The following TOLLIP variants were observed in gnomAD, a reference collection of about 807,000 sequenced individuals.
TOLLIP encodes toll interacting protein.
Under a neutral mutation model 33.5 loss-of-function variants are expected in TOLLIP, and 16 were observed. That is an observed-to-expected ratio of 0.48 (90% confidence interval 0.32 to 0.72). TOLLIP has a LOEUF of 0.72. Among genes scored for constraint, TOLLIP ranks in the 30% least tolerant of loss-of-function variants. The pLI, the probability that TOLLIP is intolerant of heterozygous loss-of-function variation, is 0.03. For synonymous variants in TOLLIP, 176 were observed against 163.7 expected (o/e 1.07, Z -0.57); for missense variants, 325 against 396.6 (o/e 0.82, Z 1.53).
At chr11:1,291,188 T>G (rs1256197627) in intron 2 of TOLLIP, 1 of 152,176 alleles carries the variant, frequency 6.6e-6, no homozygotes, top group Non-Finnish European at 1.5e-5. Flanking sequence ...CCTAAAACTG[T>G]AAAACCTTTA....
Position 1,309,532 on chromosome 11 carries a change from G to T in TOLLIP, c.-34C>A. 7.8e-7 allele frequency: 1 copy of T among 1,277,814 alleles called. No individual in the cohort carries two copies. 79.2% of individuals were successfully genotyped at this position (1,277,814 alleles called of 1,614,324 possible). ...GGCGGCCCCCGTGGCTCGCCGACCC[G>T]ACAGTGACGCGCCGGGCGACCTCCT... is the stretch of plus-strand genomic sequence containing the variant. On this transcript the variant is annotated 5_prime_UTR_variant, in exon 1 of 6. Transcript: ENST00000317204.
intron 5 of TOLLIP, among the ~76,000 whole-genome samples, chr11:1,282,226 A>G (rs1316028405): frequency 1.3e-5 from 2 of 152,238 alleles, no homozygotes; most frequent in Non-Finnish European, 2.9e-5. Flanking sequence ...GAGAAGGATC[A>G]GAGGAGGCCA....
intron 1 of TOLLIP, among the ~76,000 whole-genome samples, chr11:1,302,298 G>A (rs1388242505): frequency 6.6e-6 from 1 of 152,230 alleles, no homozygotes; most frequent in East Asian, 1.9e-4. Flanking sequence ...GGGTGGCCCT[G>A]GCGGTCCCTC....
chr11:1,285,374 C>T (rs1863656592), intron 5 of TOLLIP, among the ~76,000 whole-genome samples: 1 of 152,258 alleles, frequency 6.6e-6, no homozygotes, highest in South Asian at 2.1e-4. Flanking sequence ...CTGCTAAAGA[C>T]GGCTGGGCCC....
rs1163060457 is a variant in TOLLIP, at chr11:1,294,257, CA to C, written c.183+1387del. 2.0e-3 allele frequency among the ~76,000 whole-genome samples: 232 copies of C among 116,118 alleles called. 3 individuals carry two copies. The highest frequency in any genetic ancestry group is 3.3e-3 in the Admixed American group (38 of 11,622). 76.2% of individuals were successfully genotyped at this position (116,118 alleles called of 152,430 possible). ...TTTCTACGAAAGCCCGCGTGGCTCA[CA>C]GTGTGTCTCCTTTCCCTGCATTTCT... On this transcript the variant is annotated intron_variant, in intron 2 of 5. Coordinates refer to ENST00000317204, the MANE Select transcript of TOLLIP (RefSeq NM_019009.4).
chr11:1,292,092 AAT>A (rs1863972375), intron 2 of TOLLIP: 1 of 152,204 alleles, frequency 6.6e-6, no homozygotes, highest in African/African-American at 2.4e-5. Context: ...CGTACTCCGG[AAT>A]GCTATGGAGT....
At chr11:1,285,262 G>T (rs1033446063) in intron 5 of TOLLIP, among the ~76,000 whole-genome samples, 4 of 152,228 alleles carry the variant, frequency 2.6e-5, no homozygotes, top group Admixed American at 2.6e-4. Flanking sequence ...GCTCTGCCTG[G>T]ACACCAGCTC....
intron 1 of TOLLIP, among the ~76,000 whole-genome samples, chr11:1,304,288 C>G (rs549191280): frequency 3.3e-5 from 5 of 151,994 alleles, no homozygotes; most frequent in South Asian, 2.1e-4. Context: ...TCCACACACA[C>G]AAAAATAGCT....
At chr11:1,299,615 A>G (rs1864207426) in intron 1 of TOLLIP, among the ~76,000 whole-genome samples, 1 of 152,254 alleles carries the variant, frequency 6.6e-6, no homozygotes, top group African/African-American at 2.4e-5. Flanking sequence ...GGAAATATGA[A>G]AACAAAAATG....
rs567968249 is a variant in TOLLIP at position 1,287,232 on chromosome 11, G to A, written c.520-1140C>T. On this transcript the variant is annotated intron_variant, in intron 4 of 5. Coordinates refer to ENST00000317204, the MANE Select transcript of TOLLIP (RefSeq NM_019009.4). ...CAACTGCAGGTAAAATCACTGGAGC[G>A]TCATGATGGTTCTGTGTTTGTATGA... Among the ~76,000 whole-genome samples the A allele has an allele frequency of 1.8e-4, 28 of 152,332 alleles. No individual in the cohort carries two copies. The East Asian group carries it at 5.0e-3, about 27-fold the overall frequency.
chr11:1,282,784 A>C (rs535349334), intron 5 of TOLLIP, among the ~76,000 whole-genome samples: 1 of 150,730 alleles, frequency 6.6e-6, no homozygotes, highest in East Asian at 1.9e-4. Context: ...GTATAATTAA[A>C]ATAAATAAAT....
rs140439497 is a variant in TOLLIP at position 1,277,422 on chromosome 11, C to T, written c.611-169G>A. Among the ~76,000 whole-genome samples, 6 of 152,340 alleles carry T rather than the reference C, an allele frequency of 3.9e-5. No homozygotes were observed. Among genetic ancestry groups the T allele is most frequent in the Non-Finnish European group, 5.9e-5 (4 of 68,036 alleles). On this transcript the variant is annotated intron_variant, in intron 5 of 5. Transcript: ENST00000317204. The surrounding 1 kb of genome is among the most constrained non-coding windows in gnomAD (Gnocchi z 4.2). ...CAAGACACCCTGGAAAGGCAAACCC[C>T]CAAACAGCAACCCCAGGCACAGCCA...
At chr11:1,279,541 G>C (rs1158599783) in intron 5 of TOLLIP, among the ~76,000 whole-genome samples, 1 of 152,214 alleles carries the variant, frequency 6.6e-6, no homozygotes, top group Non-Finnish European at 1.5e-5. Flanking sequence ...GGGCAGCCCA[G>C]AGCCCACCTG....
In TOLLIP at chr11:1,303,032, A is replaced by C. The variant is rs1386511744; in HGVS notation, c.33+6434T>G. ...GCCGGGAGGTTCCCTGGCTCTGCTA[A>C]AGTCTCAAAGCAAACACTAGAATTT... On this transcript the variant is annotated intron_variant, in intron 1 of 5. Transcript: ENST00000317204. This position sits in a 1 kb window ranked among gnomAD's most constrained non-coding sequence, Gnocchi z 4.2. Among the ~76,000 whole-genome samples the C allele has an allele frequency of 6.6e-6, 1 of 152,242 alleles. No homozygotes were observed. The highest frequency in any genetic ancestry group is 1.5e-5 in the Non-Finnish European group (1 of 68,050).
At chr11:1,288,473 G>A in intron 4 of TOLLIP, 151 bp downstream of exon 4, 2 of 948,774 alleles carry the variant, frequency 2.1e-6, no homozygotes, top group Non-Finnish European at 3.0e-6. Context: ...ACCACCCAGG[G>A]CCCCTGCCCT....
Position 1,290,016 on chromosome 11 carries a change from T to C in TOLLIP, c.366+211A>G, listed in dbSNP as rs1292752338. 5.2e-6 allele frequency: 3 copies of C among 578,534 alleles called. No homozygotes were observed. Among genetic ancestry groups the C allele is most frequent in the Non-Finnish European group, 9.2e-6 (3 of 325,528 alleles). 35.8% of individuals were successfully genotyped at this position (578,534 alleles called of 1,614,324 possible). On this transcript the variant is annotated intron_variant, in intron 3 of 5. Transcript: ENST00000317204. The surrounding 1 kb of genome is among the most constrained non-coding windows in gnomAD (Gnocchi z 4.9). Reference sequence around the variant, plus strand: ...GGTCATGCTTGTCACTGGGGATGTTTCCAAATGTAAGTATGTTCAAGGAGC... The same window carrying C: ...GGTCATGCTTGTCACTGGGGATGTTCCCAAATGTAAGTATGTTCAAGGAGC...
At chr11:1,286,173 TGCCCTCCCCACGCCAGCCCAGAATC>T (rs2133893279) in intron 4 of TOLLIP, 81 bp from the exon 5 acceptor site, 1 of 1,103,804 alleles carries the variant, frequency 9.1e-7, no homozygotes, top group Non-Finnish European at 1.3e-6. Flanking sequence ...TCCCCACAAT[TGCCCTCCCCACGCCAGCCCAGAATC>T]GCCCTCCCCA....
intron 1 of TOLLIP, among the ~76,000 whole-genome samples, chr11:1,306,372 G>A (rs1033879555): frequency 6.6e-6 from 1 of 151,934 alleles, no homozygotes; most frequent in African/African-American, 2.4e-5. Flanking sequence ...CACGGCCCAT[G>A]GGATCTTGCC....
At chr11:1,283,710 G>C (rs1400430426) in intron 5 of TOLLIP, 3 of 390,120 alleles carry the variant, frequency 7.7e-6, no homozygotes, top group Non-Finnish European at 1.0e-5. Context: ...AAAGAGGTAA[G>C]CCAATCAATG....
Sources: allele counts gnomAD v4.1 joint callset (sites outside exome capture counted in the v4.1 genomes callset), GRCh38; gene constraint gnomAD v4.1.1; non-coding constraint Gnocchi (gnomAD v3.1); transcripts MANE v1.5; gene names NCBI Gene and HGNC (gene_info 2026-07-23, HGNC 2026-07-21).